Variants in FMO5 observed in about 807,000 individuals in gnomAD.
FMO5 encodes the protein flavin containing dimethylaniline monoxygenase 5.
FMO5 carries 51 observed loss-of-function variants against 43.6 expected under a neutral mutation model. That is an observed-to-expected ratio of 1.17 (90% confidence interval 0.93 to 1.48). The LOEUF is 1.48. Ranked by LOEUF, FMO5 falls within the 40% of genes most tolerant of loss-of-function variation. FMO5 has a pLI of 0.00. For synonymous variants in FMO5, 187 were observed against 216.5 expected, an observed-to-expected ratio of 0.86 and a Z score of 1.20; for missense variants, 644 against 643.0, an observed-to-expected ratio of 1.00 and a Z score of -0.02.
chr1:147,189,271 TAA>T (rs5777626), intron 8 of FMO5, among the ~76,000 whole-genome samples: 60 of 142,716 alleles, frequency 4.2e-4, no homozygotes, highest in Non-Finnish European at 4.1e-4. Flanking sequence ...AGACTCCGTC[TAA>T]AAAAAAAAAA....
intron 7 of FMO5, 138 bp from the exon 8 acceptor site, chr1:147,190,387 G>T: frequency 1.7e-6 from 1 of 575,322 alleles, no homozygotes; most frequent in South Asian, 2.3e-5. Context: ...CAATTCACTT[G>T]ATCACCTTAC....
At chr1:147,218,907 G>C (rs587665529) in intron 2 of FMO5, among the ~76,000 whole-genome samples, 152,254 of 152,312 alleles carry the variant, frequency 1, 76,098 homozygotes, top group Middle Eastern at 1. Flanking sequence ...ATTAGATTCC[G>C]CTATTCATCC....
intron 3 of FMO5, 91 bp from the exon 4 acceptor site, chr1:147,213,561 C>T: frequency 1.8e-6 from 2 of 1,082,804 alleles, no homozygotes; most frequent in Admixed American, 2.5e-5. Flanking sequence ...CAGACACTAT[C>T]ACATAATAGG....
At position 147,212,525 on chromosome 1, in the gene FMO5, C is replaced by G; in HGVS notation, c.498G>C (p.Lys166Asn). 6.2e-7 allele frequency: 1 copy of G among 1,612,500 alleles called. No homozygotes were observed. The highest frequency in any genetic ancestry group is 1.3e-5 in the African/African-American group (1 of 74,962). Residue 166 changes from lysine to asparagine, a missense_variant, in exon 5 of 9, where the codon AAG becomes AAC. Transcript: ENST00000254090. Reference sequence around the variant, plus strand: ...GACTGTGGAAGTACTGCCCTTTGAACTTCTCAATTCCTGCAAGAGAAGGGA... The same window carrying G: ...GACTGTGGAAGTACTGCCCTTTGAAGTTCTCAATTCCTGCAAGAGAAGGGA... Reference protein sequence around the residue: ...LPLESFPGIEKFKGQYFHSRD... With the variant: ...LPLESFPGIENFKGQYFHSRD...
intron 7 of FMO5, among the ~76,000 whole-genome samples, chr1:147,198,774 C>A (rs1658434965): frequency 6.7e-6 from 1 of 148,952 alleles, no homozygotes; most frequent in African/African-American, 2.5e-5. Context: ...TGGCCTGAAC[C>A]CAGAAGGTGG....
At chr1:147,184,699 G>T, downstream of FMO5, 1 of 1,414,826 alleles carries the variant, frequency 7.1e-7, no homozygotes, top group Non-Finnish European at 9.2e-7. The surrounding 1 kb of genome is among the most constrained non-coding windows in gnomAD (Gnocchi z 4.4). Flanking sequence ...TCATCTCAAA[G>T]GTACATACTA....
intron 2 of FMO5, among the ~76,000 whole-genome samples, chr1:147,216,304 A>G (rs1160760597): frequency 6.6e-6 from 1 of 152,212 alleles, no homozygotes; most frequent in Non-Finnish European, 1.5e-5. Flanking sequence ...CACCACATGA[A>G]GAGAATGTCT....
At chr1:147,210,689 C>T (rs1302454807) in intron 5 of FMO5, 2 of 152,220 alleles carry the variant, frequency 1.3e-5, no homozygotes, top group East Asian at 3.9e-4. Flanking sequence ...AATAATAATA[C>T]ATATATCACA....
At chr1:147,217,066 C>T (rs587711237) in intron 2 of FMO5, among the ~76,000 whole-genome samples, 15 of 151,062 alleles carry the variant, frequency 9.9e-5, no homozygotes, top group African/African-American at 3.6e-4. Context: ...CATGGAGAAA[C>T]CCTGTCTCTA....
At chr1:147,219,032 T>A (rs1662519105) in intron 2 of FMO5, among the ~76,000 whole-genome samples, 1 of 152,194 alleles carries the variant, frequency 6.6e-6, no homozygotes, top group Admixed American at 6.5e-5. Flanking sequence ...ATATCCTTCT[T>A]TAAATCTCTA....
chr1:147,226,604 C>A (rs1663998418), upstream of FMO5, among the ~76,000 whole-genome samples: 1 of 152,122 alleles, frequency 6.6e-6, no homozygotes. Context: ...GACAAGGGTT[C>A]TATTTGACAG....
At position 147,186,813 on chromosome 1, in the gene FMO5, A is replaced by G. The variant is rs1403565594; in HGVS notation, c.*87T>C. 3.3e-6 allele frequency: 5 copies of G among 1,516,712 alleles called. No homozygotes were observed. The African/African-American group carries it at 7.0e-5, about 21-fold the overall frequency. The allele number at this position is 1,516,712 out of a possible 1,614,324, so 94.0% of individuals were successfully genotyped here. On this transcript the variant is annotated 3_prime_UTR_variant, in exon 9 of 9. Transcript: ENST00000254090. Reference sequence around the variant, plus strand: ...ACATTAAAGTAGATTTCTGGGCAATATGAAACTGAGAGTCAATCTCGTCAG... The same window carrying G: ...ACATTAAAGTAGATTTCTGGGCAATGTGAAACTGAGAGTCAATCTCGTCAG...
chr1:147,184,761 G>A (rs78402924), downstream of FMO5: 7 of 1,149,826 alleles, frequency 6.1e-6, no homozygotes, highest in Non-Finnish European at 7.9e-6. The surrounding 1 kb of genome is among the most constrained non-coding windows in gnomAD (Gnocchi z 4.4). Context: ...AGCCGAGATA[G>A]TGTTTATCAG....
Position 147,208,842 on chromosome 1 carries a change from G to C in FMO5, c.830+10C>G. ...GCCACTATCCCTGCACTCCCATCCTGGGAACATACCTGTGTTTAGGCTTCA... is the reference window on the plus strand; with the variant it reads ...GCCACTATCCCTGCACTCCCATCCTCGGAACATACCTGTGTTTAGGCTTCA... On this transcript the variant is annotated intron_variant, in intron 6 of 8. Transcript: ENST00000254090. 6.2e-7 allele frequency: 1 copy of C among 1,612,174 alleles called. No homozygotes were observed.
At position 147,187,149 on chromosome 1, in the gene FMO5, A is replaced by C. The variant is rs782535004; in HGVS notation, c.1353T>G (p.Ser451=). 9.9e-6 allele frequency: 16 copies of C among 1,614,018 alleles called. No homozygotes were observed. Among genetic ancestry groups the C allele is most frequent in the Middle Eastern group, 1.6e-4 (1 of 6,084 alleles). The change falls in exon 9 of 9, where the codon TCT becomes TCG. Residue 451 remains serine (S), a synonymous_variant. Transcript: ENST00000254090. ...CCAGCTTGGGGTCAGTGAAGGCCAG[A>C]GACAGCAGATTGGGCCTGACCCCCA... ...DLVGVRPNLL[S]LAFTDPKLAL...
chr1:147,194,678 C>T (rs1657617220), intron 7 of FMO5, among the ~76,000 whole-genome samples: 1 of 152,094 alleles, frequency 6.6e-6, no homozygotes, highest in African/African-American at 2.4e-5. Context: ...GTGCTTCCTT[C>T]AGGAGCTCTT....
chr1:147,205,948 G>C (rs1290998200), intron 6 of FMO5, among the ~76,000 whole-genome samples: 1 of 151,976 alleles, frequency 6.6e-6, no homozygotes, highest in Admixed American at 6.5e-5. Flanking sequence ...CTTCTGCACA[G>C]CAAAAGAAAC....
At chr1:147,196,964 C>G (rs1453360878) in intron 7 of FMO5, among the ~76,000 whole-genome samples, 1 of 152,144 alleles carries the variant, frequency 6.6e-6, no homozygotes, top group Non-Finnish European at 1.5e-5. Flanking sequence ...CAGGCTCGTA[C>G]TGACCTATTT....
At chr1:147,198,640 A>G (rs1414243354) in intron 7 of FMO5, among the ~76,000 whole-genome samples, 4 of 151,910 alleles carry the variant, frequency 2.6e-5, no homozygotes, top group Non-Finnish European at 5.9e-5. Flanking sequence ...CACGAGGTCA[A>G]GAGATGGAGA....
Sources: gnomAD v4.1 joint callset for allele counts (sites outside exome capture counted in the v4.1 genomes callset) on GRCh38, gnomAD v4.1.1 for gene constraint, Gnocchi (gnomAD v3.1) non-coding constraint, MANE v1.5 for transcripts, NCBI Gene and HGNC (gene_info 2026-07-23, HGNC 2026-07-21) for gene names.